Variants in CNIH3 observed in about 807,000 individuals in gnomAD.
CNIH3 encodes the protein protein cornichon homolog 3.
In CNIH3, 14 loss-of-function variants were observed where a neutral mutation model predicts 24.1. The ratio of observed to expected loss-of-function variants is 0.58; its 90% CI spans 0.38 to 0.91. The LOEUF (loss-of-function observed/expected upper bound fraction) is 0.91, where lower values mean the gene tolerates loss of function less well. Ranked by LOEUF, CNIH3 falls within the 40% of genes least tolerant of loss-of-function variation. CNIH3 has a pLI of 0.00. For synonymous variants in CNIH3, 68 were observed against 73.8 expected, an observed-to-expected ratio of 0.92 and a Z score of 0.40; for missense variants, 178 against 196.8, an observed-to-expected ratio of 0.90 and a Z score of 0.57.
chr1:224,668,090 A>G (rs534776316), intron 1 of CNIH3, among the ~76,000 whole-genome samples: 1 of 152,364 alleles, frequency 6.6e-6, no homozygotes, highest in Non-Finnish European at 1.5e-5. Flanking sequence ...ATTGCCAAGG[A>G]TGGAGCAAAA....
chr1:224,632,168 G>T (rs1256414095), intron 1 of CNIH3, among the ~76,000 whole-genome samples: 1 of 152,158 alleles, frequency 6.6e-6, no homozygotes, highest in East Asian at 1.9e-4. Context: ...ACCCACTCTC[G>T]AATGGGGCGC....
intron 1 of CNIH3, among the ~76,000 whole-genome samples, chr1:224,462,576 C>T (rs190221164): frequency 5.9e-5 from 9 of 151,814 alleles, no homozygotes; most frequent in Admixed American, 2.6e-4. Flanking sequence ...TCAAGCAATC[C>T]GCCCGCCTTG....
chr1:224,670,276 A>T (rs1341580670), intron 1 of CNIH3, among the ~76,000 whole-genome samples: 1 of 152,178 alleles, frequency 6.6e-6, no homozygotes, highest in Non-Finnish European at 1.5e-5. Context: ...AAGGACTTAG[A>T]AGATGGTGGC....
At chr1:224,728,381 GA>G (rs1289553390) in intron 3 of CNIH3, among the ~76,000 whole-genome samples, 2 of 152,116 alleles carry the variant, frequency 1.3e-5, no homozygotes, top group Admixed American at 1.3e-4. Context: ...ATACAATAGG[GA>G]CATGGCGTGC....
chr1:224,501,054 C>T (rs1384980181), intron 1 of CNIH3, among the ~76,000 whole-genome samples: 1 of 152,204 alleles, frequency 6.6e-6, no homozygotes, highest in Non-Finnish European at 1.5e-5. Context: ...TCGTGGGCCA[C>T]CTCTGCTGCT....
At chr1:224,447,459 G>T (rs1367331919) in intron 1 of CNIH3, among the ~76,000 whole-genome samples, 5 of 152,118 alleles carry the variant, frequency 3.3e-5, no homozygotes, top group South Asian at 4.1e-4. Context: ...ATTGAGGGTG[G>T]GTCTTCCCCA....
At chr1:224,656,106 A>G (rs560236426) in intron 1 of CNIH3, among the ~76,000 whole-genome samples, 15 of 152,302 alleles carry the variant, frequency 9.8e-5, no homozygotes, top group Middle Eastern at 3.4e-3. Flanking sequence ...TCCCCTTTCT[A>G]TTGATCAATT....
intron 3 of CNIH3, among the ~76,000 whole-genome samples, chr1:224,606,114 C>T (rs572867174): frequency 1.4e-4 from 21 of 152,106 alleles, no homozygotes; most frequent in South Asian, 4.2e-4. Flanking sequence ...TGTGGTCTCG[C>T]GGCAGTGTCT....
chr1:224,589,907 T>C (rs10799587), downstream of CNIH3, among the ~76,000 whole-genome samples: 62,995 of 151,746 alleles, frequency 0.42, 13,678 homozygotes, highest in East Asian at 0.59. Flanking sequence ...GATGGAGTCT[T>C]GCTCTGTCAC....
In CNIH3 at chr1:224,681,036, G is replaced by T. The variant is rs374459851; in HGVS notation, c.150+10G>T. The T allele has an allele frequency of 6.2e-7, 1 of 1,613,188 alleles. No individual in the cohort carries two copies. The highest frequency in any genetic ancestry group is 1.3e-5 in the African/African-American group (1 of 75,016). On this transcript the variant is annotated intron_variant, in intron 2 of 5. Coordinates refer to ENST00000272133, the MANE Select transcript of CNIH3 (RefSeq NM_152495.2). Reference sequence around the variant, plus strand: ...CAATCCTGTTCATGCGGTAAGTGGCGGGTACTGGTGAGGGGAAGGTGCTAT... The same window carrying T: ...CAATCCTGTTCATGCGGTAAGTGGCTGGTACTGGTGAGGGGAAGGTGCTAT...
At position 224,687,420 on chromosome 1, in the gene CNIH3, A is replaced by G. The variant is rs572926833; in HGVS notation, c.198+2577A>G. ...GCCGACTTTTTTATTTTTTGTAGAG[A>G]TGGGTTCTTGCTTTGTTGTCCAGGC... On this transcript the variant is annotated intron_variant, in intron 3 of 5. Coordinates refer to ENST00000272133, the MANE Select transcript of CNIH3 (RefSeq NM_152495.2). 2.1e-3 allele frequency among the ~76,000 whole-genome samples: 319 copies of G among 151,886 alleles called. 1 individual carries two copies. Among genetic ancestry groups the G allele is most frequent in the African/African-American group, 7.1e-3 (296 of 41,412 alleles).
chr1:224,523,907 G>T (rs1359596801), intron 2 of CNIH3, among the ~76,000 whole-genome samples: 1 of 152,194 alleles, frequency 6.6e-6, no homozygotes, highest in African/African-American at 2.4e-5. Context: ...AAGCTGAGAA[G>T]GAGGATGGAG....
At chr1:224,569,293 T>C (rs1680717120) in intron 4 of CNIH3, among the ~76,000 whole-genome samples, 1 of 152,224 alleles carries the variant, frequency 6.6e-6, no homozygotes, top group African/African-American at 2.4e-5. Flanking sequence ...TTCTGCAACT[T>C]GTGTGTTTTA....
chr1:224,539,984 G>A (rs529328388), downstream of CNIH3, among the ~76,000 whole-genome samples: 27 of 152,270 alleles, frequency 1.8e-4, no homozygotes, highest in African/African-American at 6.0e-4. Context: ...ATCACACAGA[G>A]CTTTACTCAT....
upstream of CNIH3, among the ~76,000 whole-genome samples, chr1:224,613,004 A>G (rs1282387919): frequency 6.6e-6 from 1 of 152,154 alleles, no homozygotes. Context: ...TTTCCAAATT[A>G]TTTTATATTT....
upstream of CNIH3, chr1:224,513,855 G>A (rs981209931): frequency 1.3e-5 from 2 of 152,178 alleles, no homozygotes; most frequent in African/African-American, 2.4e-5. Context: ...CAGGCCCTCC[G>A]TGGTTGGGTG....
At chr1:224,713,577 G>A (rs1440920210) in intron 3 of CNIH3, among the ~76,000 whole-genome samples, 2 of 152,158 alleles carry the variant, frequency 1.3e-5, no homozygotes, top group African/African-American at 4.8e-5. Flanking sequence ...CTACTTCATA[G>A]GTTGTTGCAA....
At chr1:224,706,990 G>T (rs1360215277) in intron 3 of CNIH3, among the ~76,000 whole-genome samples, 5 of 108,332 alleles carry the variant, frequency 4.6e-5, no homozygotes, top group South Asian at 3.1e-4. Flanking sequence ...TTGAGACAGA[G>T]TCTTGCTCTG....
At chr1:224,545,860 CT>C in intron 2 of CNIH3, among the ~76,000 whole-genome samples, 1 of 152,164 alleles carries the variant, frequency 6.6e-6, no homozygotes, top group East Asian at 1.9e-4. Context: ...GACTGGGTGG[CT>C]TCACTATAGA....
Sources: allele counts gnomAD v4.1 joint callset (sites outside exome capture counted in the v4.1 genomes callset), GRCh38; gene constraint gnomAD v4.1.1; transcripts MANE v1.5; gene names NCBI Gene and HGNC (gene_info 2026-07-23, HGNC 2026-07-21).